The following CD44 variants were observed in gnomAD, a reference collection of about 807,000 sequenced individuals.
CD44 encodes the protein CD44 molecule (IN blood group), also known as CD44 antigen.
A neutral mutation model predicts 88.8 loss-of-function variants in CD44; 49 were observed. The observed-to-expected ratio is 0.55, with a 90% CI of 0.44 to 0.70. The LOEUF is 0.70. CD44 is among the 30% of genes least tolerant of loss of function. The probability of loss-of-function intolerance (pLI) is 0.00; values close to 1 mark genes in which losing one functional copy is unlikely to be tolerated. For missense variants in CD44, 883 were observed against 913.8 expected (o/e 0.97, Z 0.43); for synonymous variants, 325 against 312.3 (o/e 1.04, Z -0.43).
intron 7 of CD44, 47 bp from the exon 8 acceptor site, chr11:35,201,035 C>A: frequency 7.3e-7 from 1 of 1,367,630 alleles, no homozygotes; most frequent in Non-Finnish European, 1.0e-6. Flanking sequence ...GTGGCGAAGG[C>A]TCAAGAAATA....
intron 17 of CD44, among the ~76,000 whole-genome samples, chr11:35,226,355 T>C (rs933115248): frequency 2.0e-5 from 3 of 152,146 alleles, no homozygotes; most frequent in African/African-American, 7.2e-5. Context: ...CACCCATTGG[T>C]TAGGGAAATG....
chr11:35,189,777 A>G, intron 4 of CD44, 58 bp from the exon 5 acceptor site: 3 of 1,141,572 alleles, frequency 2.6e-6, no homozygotes, highest in Non-Finnish European at 3.9e-6. Context: ...TTAAACGCTA[A>G]TCCACATACT....
At chr11:35,216,805 T>C (rs1383800838) in intron 15 of CD44, among the ~76,000 whole-genome samples, 1 of 152,200 alleles carries the variant, frequency 6.6e-6, no homozygotes, top group African/African-American at 2.4e-5. Flanking sequence ...GGACATCACC[T>C]AGGAACTTGT....
rs74894930 is a variant in CD44, at chr11:35,214,612, C to A, written c.1811-240C>A. ...AACTTCCTGTGGTCATCCTTCTTAGCCTTTGCTGCCCCAGTTTCCTTAATT... is the reference window on the plus strand; with the variant it reads ...AACTTCCTGTGGTCATCCTTCTTAGACTTTGCTGCCCCAGTTTCCTTAATT... On this transcript the variant is annotated intron_variant, in intron 14 of 17. Coordinates refer to ENST00000428726, the MANE Select transcript of CD44 (RefSeq NM_000610.4). 6.0e-4 allele frequency: 223 copies of A among 371,172 alleles called. 1 individual carries two copies. The highest frequency in any genetic ancestry group is 4.4e-3 in the African/African-American group (211 of 48,138). 23.0% of individuals were successfully genotyped at this position (371,172 alleles called of 1,614,324 possible).
intron 1 of CD44, among the ~76,000 whole-genome samples, chr11:35,147,856 A>G (rs1395258117): frequency 1.3e-5 from 2 of 152,162 alleles, no homozygotes; most frequent in Non-Finnish European, 2.9e-5. Context: ...TGGGAGGCCG[A>G]GGCAGGCGGA....
rs866392080 is a variant in CD44, at chr11:35,188,577, C to G, written c.437-1258C>G. 2.0e-5 allele frequency among the ~76,000 whole-genome samples: 3 copies of G among 152,246 alleles called. No homozygotes were observed. In the Middle Eastern group the frequency reaches 0.01, roughly 518 times the overall value. On this transcript the variant is annotated intron_variant, in intron 4 of 17. Transcript: ENST00000428726. Reference sequence around the variant, plus strand: ...GGTCAACAATATTTCCTTGTCAAATCCTCACCTGCAGAGATTACCAGGGTG... The same window carrying G: ...GGTCAACAATATTTCCTTGTCAAATGCTCACCTGCAGAGATTACCAGGGTG...
At chr11:35,172,371 T>C (rs1329421706) in intron 1 of CD44, among the ~76,000 whole-genome samples, 1 of 152,214 alleles carries the variant, frequency 6.6e-6, no homozygotes, top group African/African-American at 2.4e-5. Context: ...CTGGGCACAA[T>C]GGTTTTGGCA....
rs746394859 is a variant in CD44 at position 35,229,182 on chromosome 11, A to G, written c.2078A>G (p.Asp693Gly). The G allele has an allele frequency of 1.2e-6, 2 of 1,614,122 alleles. No individual in the cohort carries two copies. Among genetic ancestry groups the G allele is most frequent in the South Asian group, 1.1e-5 (1 of 91,084 alleles). ...VINSGNGAVEDRKPSGLNGEA... is the reference protein window; with the variant it reads ...VINSGNGAVEGRKPSGLNGEA... ...AACAGTGGCAATGGAGCTGTGGAGG[A>G]CAGAAAGCCAAGTGGACTCAACGGA... is the stretch of plus-strand genomic sequence containing the variant. Residue 693 changes from aspartate (D) to glycine (G), a missense_variant, in exon 18 of 18, where the codon GAC becomes GGC. This residue lies in a region of CD44 where 631 missense variants were observed against 590.9 expected (regional missense o/e 1.07). Transcript: ENST00000428726.
Position 35,200,244 on chromosome 11 carries a change from G to T in CD44, c.923-838G>T, listed in dbSNP as rs1384494064. On this transcript the variant is annotated intron_variant, in intron 7 of 17. Transcript: ENST00000428726. ...AATAAAGTTTGAAACAATTAGGATG[G>T]ATTTGCAAATAACCTTTCACAAAAC... is the stretch of plus-strand genomic sequence containing the variant. Among the ~76,000 whole-genome samples, 6 of 152,064 alleles carry T rather than the reference G, an allele frequency of 3.9e-5. No individual in the cohort carries two copies. In the South Asian group the frequency reaches 6.2e-4, roughly 16 times the overall value.
intron 17 of CD44, 74 bp downstream of exon 17, chr11:35,221,806 C>G (rs899897147): frequency 1.6e-5 from 21 of 1,321,968 alleles, no homozygotes; most frequent in Non-Finnish European, 2.2e-5. Context: ...CCTTGCTGCT[C>G]AGAGCGTAGT....
chr11:35,223,415 A>G (rs1220846812), intron 17 of CD44: 1 of 376,852 alleles, frequency 2.7e-6, no homozygotes, highest in Admixed American at 6.4e-5. Context: ...CACCATAGAA[A>G]CGCTGGCATG....
At chr11:35,226,474 A>C (rs1459354229) in intron 17 of CD44, among the ~76,000 whole-genome samples, 1 of 152,202 alleles carries the variant, frequency 6.6e-6, no homozygotes, top group Non-Finnish European at 1.5e-5. Context: ...CTTCATAGTA[A>C]ATAATAACGA....
chr11:35,191,981 T>C (rs1431638022), intron 5 of CD44, among the ~76,000 whole-genome samples: 1 of 152,354 alleles, frequency 6.6e-6, no homozygotes, highest in East Asian at 1.9e-4. Flanking sequence ...GTCTTCTGTA[T>C]GCCAGACACT....
Position 35,201,125 on chromosome 11 carries a change from G to A in CD44, c.966G>A (p.Gln322=). The A allele has an allele frequency of 6.2e-7, 1 of 1,614,094 alleles. No individual in the cohort carries two copies. Among genetic ancestry groups the A allele is most frequent in the Non-Finnish European group, 8.5e-7 (1 of 1,179,964 alleles). The change falls in exon 8 of 18, where the codon CAG becomes CAA. Residue 322 remains glutamine, a synonymous_variant. Coordinates refer to ENST00000428726, the MANE Select transcript of CD44 (RefSeq NM_000610.4). ...PRAFDHTKQN[Q]DWTQWNPSHS... ...CTTTTGACCACACAAAACAGAACCA[G>A]GACTGGACCCAGTGGAACCCAAGCC... is the stretch of plus-strand genomic sequence containing the variant.
At chr11:35,206,366 T>C in intron 11 of CD44, 123 bp downstream of exon 11, 1 of 953,354 alleles carries the variant, frequency 1.0e-6, no homozygotes, top group Non-Finnish European at 1.5e-6. Context: ...GACCTGAGGT[T>C]CTTCAAAAAT....
rs776961282 is a variant in CD44, at chr11:35,139,560, C to T, written c.67+190C>T. The T allele has an allele frequency of 1.4e-5, 11 of 769,226 alleles. No homozygotes were observed. In the Admixed American group the frequency reaches 1.5e-4, roughly 11 times the overall value. 47.7% of individuals were successfully genotyped at this position (769,226 alleles called of 1,614,324 possible). On this transcript the variant is annotated intron_variant, in intron 1 of 17. Transcript: ENST00000428726. The stretch of plus-strand genomic sequence containing the variant: ...GTTGGAGAATGTGTCTGTGGAAGCA[C>T]CATTTGGTTGAAAGAAAAAGAGAAA...
intron 1 of CD44, among the ~76,000 whole-genome samples, chr11:35,154,193 C>T (rs1941556005): frequency 6.6e-6 from 1 of 152,194 alleles, no homozygotes; most frequent in South Asian, 2.1e-4. Flanking sequence ...AAATCTTATC[C>T]ATTTCGTTGA....
In CD44 at chr11:35,189,556, T is replaced by G. The variant is rs138781199; in HGVS notation, c.437-279T>G. On this transcript the variant is annotated intron_variant, in intron 4 of 17. Coordinates refer to ENST00000428726, the MANE Select transcript of CD44 (RefSeq NM_000610.4). Reference sequence around the variant, plus strand: ...ATCCCCATTTTACAAATGAGGAAACTGAAGCTCAGAGTTGCCTTGTCCAGA... The same window carrying G: ...ATCCCCATTTTACAAATGAGGAAACGGAAGCTCAGAGTTGCCTTGTCCAGA... 6.6e-5 allele frequency among the ~76,000 whole-genome samples: 10 copies of G among 152,314 alleles called. No individual in the cohort carries two copies. The East Asian group carries it at 1.7e-3, about 26-fold the overall frequency.
Position 35,208,189 on chromosome 11 carries a change from C to T in CD44, c.1499C>T (p.Pro500Leu), listed in dbSNP as rs750405635. 1.2e-6 allele frequency: 2 copies of T among 1,610,662 alleles called. No homozygotes were observed. Among genetic ancestry groups the T allele is most frequent in the Non-Finnish European group, 8.5e-7 (1 of 1,177,030 alleles). ...GLVEDLDRTG[P>L]LSMTTQQSNS... Reference sequence around the variant, plus strand: ...GTGGAAGATTTGGACAGGACAGGACCTCTTTCAATGACAACGCGTAAGAAT... The same window carrying T: ...GTGGAAGATTTGGACAGGACAGGACTTCTTTCAATGACAACGCGTAAGAAT... Residue 500 changes from proline to leucine, a missense_variant, in exon 12 of 18, where the codon CCT becomes CTT. Pro to Leu is a moderately conservative substitution (Grantham distance 98). Around this residue, in one of 2 missense-constraint regions of CD44, gnomAD observed 631 missense variants for 590.9 expected, o/e 1.07. Coordinates refer to ENST00000428726, the MANE Select transcript of CD44 (RefSeq NM_000610.4).
Sources: gnomAD v4.1 joint callset for allele counts (sites outside exome capture counted in the v4.1 genomes callset) on GRCh38, gnomAD v4.1.1 for gene constraint, gnomAD v4.1.1 regional missense constraint, MANE v1.5 for transcripts, NCBI Gene and HGNC (gene_info 2026-07-23, HGNC 2026-07-21) for gene names.